The following TAF3 variants were observed in gnomAD, a reference collection of about 807,000 sequenced individuals.
The protein encoded by TAF3 is transcription initiation factor TFIID subunit 3.
TAF3 carries 7 observed loss-of-function variants against 80.6 expected under a neutral mutation model. The observed-to-expected ratio is 0.09, with a 90% CI of 0.05 to 0.16. The LOEUF (loss-of-function observed/expected upper bound fraction) is 0.16. Ranked by LOEUF, TAF3 falls within the 10% of genes least tolerant of loss-of-function variation. The pLI is 1.00. For synonymous variants in TAF3, 444 were observed against 446.1 expected (o/e 1.00, Z 0.06); for missense variants, 921 against 1,140.2 (o/e 0.81, Z 2.77).
intron 2 of TAF3, among the ~76,000 whole-genome samples, chr10:7,827,953 C>CA (rs999221537): frequency 6.6e-5 from 10 of 150,440 alleles, no homozygotes; most frequent in South Asian, 6.3e-4. Flanking sequence ...GACCCTGTCT[C>CA]AAAAAAAAAT....
intron 2 of TAF3, among the ~76,000 whole-genome samples, chr10:7,871,556 G>A (rs777131247): frequency 6.8e-6 from 1 of 148,104 alleles, no homozygotes; most frequent in Non-Finnish European, 1.5e-5. Context: ...TGATTCTGCT[G>A]CCTCAGCCTC....
At chr10:7,949,915 A>G (rs1838065518) in intron 2 of TAF3, among the ~76,000 whole-genome samples, 1 of 152,220 alleles carries the variant, frequency 6.6e-6, no homozygotes, top group Non-Finnish European at 1.5e-5. Flanking sequence ...CCTGTCCAAT[A>G]AAGATAGGAA....
intron 2 of TAF3, among the ~76,000 whole-genome samples, chr10:7,911,931 G>A (rs545405268): frequency 1.3e-3 from 195 of 152,118 alleles, no homozygotes; most frequent in Non-Finnish European, 2.3e-3. Flanking sequence ...GTTCCTAAAG[G>A]CACTTAAGTT....
chr10:7,930,350 C>A (rs1343081609), intron 2 of TAF3, among the ~76,000 whole-genome samples: 1 of 152,100 alleles, frequency 6.6e-6, no homozygotes, highest in Non-Finnish European at 1.5e-5. Flanking sequence ...TCTTAATCAT[C>A]CATGAATAGG....
At chr10:7,988,572 CAAAAAAAAAA>C (rs58825999) in intron 4 of TAF3, among the ~76,000 whole-genome samples, 28 of 49,282 alleles carry the variant, frequency 5.7e-4, no homozygotes, top group Non-Finnish European at 7.8e-4. Flanking sequence ...GACCCTGTCT[CAAAAAAAAAA>C]AAAAAAAAAA....
intron 4 of TAF3, among the ~76,000 whole-genome samples, chr10:7,991,828 G>C (rs1391376938): frequency 2.0e-5 from 3 of 152,120 alleles, no homozygotes; most frequent in Non-Finnish European, 2.9e-5. Context: ...GGTAATGTTG[G>C]ATTTTCCAAG....
intron 2 of TAF3, chr10:7,833,665 A>G (rs1486476505): frequency 1.7e-5 from 3 of 180,198 alleles, no homozygotes; most frequent in Admixed American, 6.2e-5. Context: ...CTTTTTGTCC[A>G]TATGTGGAGG....
At chr10:7,880,521 A>G (rs539143934) in intron 2 of TAF3, among the ~76,000 whole-genome samples, 7 of 152,330 alleles carry the variant, frequency 4.6e-5, no homozygotes, top group Non-Finnish European at 1.0e-4. Context: ...GTTAAGTAAC[A>G]GAAACCTGTA....
intron 1 of TAF3, among the ~76,000 whole-genome samples, chr10:7,823,084 G>C (rs964931329): frequency 2.0e-5 from 3 of 152,158 alleles, no homozygotes; most frequent in Non-Finnish European, 4.4e-5. Context: ...CTGCACTCCA[G>C]CCTGGGCAGC....
intron 2 of TAF3, among the ~76,000 whole-genome samples, chr10:7,919,236 G>A (rs1564363407): frequency 6.6e-6 from 1 of 152,154 alleles, no homozygotes; most frequent in South Asian, 2.1e-4. Flanking sequence ...TGTGATTATC[G>A]GTCTTGATTA....
intron 2 of TAF3, among the ~76,000 whole-genome samples, chr10:7,928,151 C>T (rs1564365137): frequency 6.6e-6 from 1 of 152,088 alleles, no homozygotes; most frequent in Non-Finnish European, 1.5e-5. Context: ...ATTTAGAGAC[C>T]TTTGACCTTC....
chr10:8,013,506 G>A (rs982284477), intron 5 of TAF3, among the ~76,000 whole-genome samples: 7 of 152,000 alleles, frequency 4.6e-5, no homozygotes, highest in Admixed American at 2.0e-4. Flanking sequence ...TAGAATATTC[G>A]TTAGAAATGC....
chr10:7,872,606 A>G (rs1311527698), intron 2 of TAF3, among the ~76,000 whole-genome samples: 2 of 152,322 alleles, frequency 1.3e-5, no homozygotes, highest in South Asian at 2.1e-4. Context: ...CATAGTTATA[A>G]TATCTTGCTT....
chr10:7,954,526 C>T (rs763655511), intron 2 of TAF3, among the ~76,000 whole-genome samples: 28 of 116,116 alleles, frequency 2.4e-4, no homozygotes, highest in Middle Eastern at 5.7e-3. Flanking sequence ...ACTCCATAGG[C>T]GAATGAGTGA....
chr10:7,823,552 C>G (rs1045825270), intron 1 of TAF3, among the ~76,000 whole-genome samples: 16 of 151,944 alleles, frequency 1.1e-4, no homozygotes, highest in African/African-American at 3.9e-4. Context: ...GGGAAGATCG[C>G]TTGAGCCTAG....
At position 7,858,652 on chromosome 10, in the gene TAF3, G is replaced by T. The variant is rs1034813265; in HGVS notation, c.409+34092G>T. 2.0e-5 allele frequency among the ~76,000 whole-genome samples: 3 copies of T among 152,196 alleles called. No individual in the cohort carries two copies. The East Asian group carries it at 5.8e-4, about 29-fold the overall frequency. On this transcript the variant is annotated intron_variant, in intron 2 of 6. Transcript: ENST00000344293. ...GCCTGTCAATATATCTACTGTTAAT[G>T]AGAACTTATTTTAGGATTGCAGTGA...
chr10:7,985,487 T>C (rs1209893752), intron 4 of TAF3, among the ~76,000 whole-genome samples: 1 of 152,234 alleles, frequency 6.6e-6, no homozygotes, highest in East Asian at 1.9e-4. Flanking sequence ...AAAAAGGCTA[T>C]GTAACATCTG....
rs1365294345 is a variant in TAF3, at chr10:7,964,316, C to T, written c.806C>T (p.Thr269Ile). 2.5e-6 allele frequency: 4 copies of T among 1,614,058 alleles called. No homozygotes were observed. Among genetic ancestry groups the T allele is most frequent in the Non-Finnish European group, 3.4e-6 (4 of 1,180,048 alleles). ...TAKPLETKSFTPKTKTKTSSP... is the reference protein window; with the variant it reads ...TAKPLETKSFIPKTKTKTSSP... ...AAACCATTAGAAACAAAGTCATTTA[C>T]ACCTAAAACAAAGACTAAAACTAGC... The change falls in exon 3 of 7, where the codon ACA becomes ATA. Residue 269 changes from threonine to isoleucine, a missense_variant. By Grantham distance (89) the Thr-to-Ile change is moderately conservative (BLOSUM62 -1). This residue lies in a region of TAF3 where 743 missense variants were observed against 821.0 expected (regional missense o/e 0.90). Transcript: ENST00000344293. This position sits in a 1 kb window ranked among gnomAD's most constrained non-coding sequence, Gnocchi z 4.1.
In TAF3 at chr10:7,977,079, C is replaced by T. The variant is rs1468500894; in HGVS notation, c.2233-162C>T. 2.0e-5 allele frequency among the ~76,000 whole-genome samples: 3 copies of T among 152,188 alleles called. No homozygotes were observed. The East Asian group carries it at 5.8e-4, about 29-fold the overall frequency. ...ATTTCTCATGATGCCAGGTAGCCTT[C>T]AGTTGTACAGAATGGCCCAGATTGT... On this transcript the variant is annotated intron_variant, in intron 3 of 6. Transcript: ENST00000344293.
Sources: allele counts gnomAD v4.1 joint callset (sites outside exome capture counted in the v4.1 genomes callset), GRCh38; gene constraint gnomAD v4.1.1; regional missense constraint gnomAD v4.1.1; non-coding constraint Gnocchi (gnomAD v3.1); transcripts MANE v1.5; gene names NCBI Gene and HGNC (gene_info 2026-07-23, HGNC 2026-07-21).